GALNT14: variants seen among roughly 807,000 people sequenced by gnomAD.
GALNT14 encodes the protein UDP-GalNAc:polypeptide N-acetylgalactosaminyltransferase 14.
Under a neutral mutation model 77.5 loss-of-function variants are expected in GALNT14, and 60 were observed. The observed-to-expected ratio is 0.77, with a 90% CI of 0.63 to 0.96. The LOEUF (loss-of-function observed/expected upper bound fraction) is 0.96. Among genes scored for constraint, GALNT14 ranks in the 40% least tolerant of loss-of-function variants. The pLI, the probability that GALNT14 is intolerant of heterozygous loss-of-function variation, is 0.00. For synonymous variants in GALNT14, 280 were observed against 281.7 expected (o/e 0.99, Z 0.06); for missense variants, 710 against 731.0 (o/e 0.97, Z 0.33).
intron 1 of GALNT14, among the ~76,000 whole-genome samples, chr2:31,075,055 G>C (rs59636407): frequency 6.6e-6 from 1 of 152,196 alleles, no homozygotes; most frequent in Non-Finnish European, 1.5e-5. Flanking sequence ...GATCCCTCAC[G>C]AATGACTTGG....
At chr2:30,912,049 C>G (rs1664393462) in intron 14 of GALNT14, among the ~76,000 whole-genome samples, 174 bp downstream of exon 14, 1 of 152,182 alleles carries the variant, frequency 6.6e-6, no homozygotes, top group African/African-American at 2.4e-5. Context: ...GTTGCCATTG[C>G]TGCTAGCATC....
At chr2:31,017,730 A>G (rs531240589) in intron 1 of GALNT14, among the ~76,000 whole-genome samples, 1 of 152,266 alleles carries the variant, frequency 6.6e-6, no homozygotes, top group African/African-American at 2.4e-5. Flanking sequence ...GAGAGATGCC[A>G]GCACCGCTGC....
At chr2:30,988,973 C>A (rs1031366763) in intron 2 of GALNT14, among the ~76,000 whole-genome samples, 2 of 152,140 alleles carry the variant, frequency 1.3e-5, no homozygotes, top group African/African-American at 4.8e-5. Context: ...GACCTGGGAG[C>A]TTGTTAGAAA....
At chr2:30,962,300 C>T (rs906331150) in intron 3 of GALNT14, among the ~76,000 whole-genome samples, 1 of 152,206 alleles carries the variant, frequency 6.6e-6, no homozygotes, top group Non-Finnish European at 1.5e-5. Context: ...TGCTTGTGAT[C>T]ACACACCTGT....
At chr2:30,966,741 G>A (rs1668034237) in intron 2 of GALNT14, among the ~76,000 whole-genome samples, 1 of 152,134 alleles carries the variant, frequency 6.6e-6, no homozygotes, top group Non-Finnish European at 1.5e-5. Flanking sequence ...TGTGTTCTGG[G>A]CTAACAGCTT....
chr2:30,889,411 G>A, the GALNT14 span, among the ~76,000 whole-genome samples: 86 of 152,260 alleles, frequency 5.6e-4, no homozygotes, highest in South Asian at 0.011. Context: ...GACTAGGTAG[G>A]AGGCCAGCCC....
At chr2:31,003,439 A>G (rs893861202) in intron 1 of GALNT14, among the ~76,000 whole-genome samples, 3 of 152,090 alleles carry the variant, frequency 2.0e-5, no homozygotes, top group Non-Finnish European at 4.4e-5. Flanking sequence ...TGCCTAGAAA[A>G]TAAGTCTGCT....
At chr2:31,069,914 C>G (rs1054957763) in intron 1 of GALNT14, among the ~76,000 whole-genome samples, 2 of 152,136 alleles carry the variant, frequency 1.3e-5, no homozygotes, top group East Asian at 3.9e-4. Flanking sequence ...CAGTGAGAAG[C>G]AGGCACTGAG....
chr2:30,980,986 C>A (rs1010199975), intron 2 of GALNT14, among the ~76,000 whole-genome samples: 3 of 152,160 alleles, frequency 2.0e-5, no homozygotes, highest in Non-Finnish European at 4.4e-5. Context: ...GGCAGGAGAA[C>A]CGCTTGAACC....
chr2:31,100,054 T>C (rs1364278882), intron 1 of GALNT14, among the ~76,000 whole-genome samples: 1 of 152,020 alleles, frequency 6.6e-6, no homozygotes, highest in African/African-American at 2.4e-5. Flanking sequence ...TGTTTTTAAA[T>C]CTTCATATAG....
At chr2:31,042,962 C>T (rs1159833748) in intron 1 of GALNT14, among the ~76,000 whole-genome samples, 2 of 152,174 alleles carry the variant, frequency 1.3e-5, no homozygotes, top group Admixed American at 6.5e-5. Context: ...TGAACCTAAG[C>T]CAAAGTCCCT....
At chr2:30,893,842 T>C in the GALNT14 span, among the ~76,000 whole-genome samples, 1 of 151,958 alleles carries the variant, frequency 6.6e-6, no homozygotes, top group African/African-American at 2.4e-5. Context: ...CTTTAGTGGG[T>C]TGAATATCCT....
Position 30,929,592 on chromosome 2 carries a change from C to T in GALNT14, c.1059-105G>A, listed in dbSNP as rs1665605570. On this transcript the variant is annotated intron_variant, in intron 10 of 14. Transcript: ENST00000349752. The stretch of plus-strand genomic sequence containing the variant: ...GTGTGGGCTGAGTTGGCAACACCAC[C>T]TAGGTGGGGGCCACCATGGTCAACC... 9 of 785,212 alleles carry T rather than the reference C, an allele frequency of 1.1e-5. No homozygotes were observed. In the South Asian group the frequency reaches 1.5e-4, roughly 13 times the overall value. The allele number at this position is 785,212 out of a possible 1,614,324, so 48.6% of individuals were successfully genotyped here. A position where few individuals can be genotyped will look rare whatever the true frequency, so the allele number is the denominator to read the frequency against.
chr2:30,904,270 G>A, the GALNT14 span, among the ~76,000 whole-genome samples: 6 of 152,208 alleles, frequency 3.9e-5, no homozygotes, highest in African/African-American at 1.4e-4. Context: ...CGCAGAAGAC[G>A]GTGATTTCTG....
intron 1 of GALNT14, among the ~76,000 whole-genome samples, chr2:31,097,749 C>T (rs79106081): frequency 0.025 from 3,855 of 152,222 alleles, 80 homozygotes; most frequent in Non-Finnish European, 0.033. Flanking sequence ...CCTCACTCCC[C>T]TGATGCTGAA....
chr2:31,032,994 G>T (rs186542812), intron 1 of GALNT14, among the ~76,000 whole-genome samples: 1 of 152,262 alleles, frequency 6.6e-6, no homozygotes, highest in East Asian at 1.9e-4. Flanking sequence ...GCACCATACT[G>T]TCATCAGTGA....
intron 1 of GALNT14, among the ~76,000 whole-genome samples, chr2:31,066,139 G>T (rs1674941219): frequency 6.6e-6 from 1 of 152,178 alleles, no homozygotes; most frequent in African/African-American, 2.4e-5. Context: ...CTTTTTCATG[G>T]CCCTGTTGCC....
At chr2:30,934,874 TCC>T (rs1214269555) in intron 9 of GALNT14, among the ~76,000 whole-genome samples, 3 of 152,188 alleles carry the variant, frequency 2.0e-5, no homozygotes, top group African/African-American at 7.2e-5. Context: ...GCACCAACTT[TCC>T]ATGATTGGCT....
intron 1 of GALNT14, among the ~76,000 whole-genome samples, chr2:31,005,277 G>A (rs1670602282): frequency 6.6e-6 from 1 of 152,170 alleles, no homozygotes; most frequent in Non-Finnish European, 1.5e-5. Flanking sequence ...TGTGTGTGGG[G>A]GTGGGGAGTG....
Sources: allele counts gnomAD v4.1 joint callset (sites outside exome capture counted in the v4.1 genomes callset), GRCh38; gene constraint gnomAD v4.1.1; transcripts MANE v1.5; gene names NCBI Gene and HGNC (gene_info 2026-07-23, HGNC 2026-07-21).